The following LAMC1 variants were observed in gnomAD, a reference collection of about 807,000 sequenced individuals.
The protein encoded by LAMC1 is laminin subunit gamma-1.
In LAMC1, 38 loss-of-function variants were observed where a neutral mutation model predicts 173.6. The ratio of observed to expected loss-of-function variants is 0.22; its 90% CI spans 0.17 to 0.29. The LOEUF (loss-of-function observed/expected upper bound fraction) is 0.29, where lower values mean the gene tolerates loss of function less well. Among genes scored for constraint, LAMC1 ranks in the 10% least tolerant of loss-of-function variants. LAMC1 has a pLI of 1.00. For missense variants in LAMC1, 1,824 were observed against 2,051.8 expected (o/e 0.89, Z 2.14); for synonymous variants, 746 against 749.1 (o/e 1.00, Z 0.07).
intron 1 of LAMC1, among the ~76,000 whole-genome samples, chr1:183,074,408 T>G (rs1041904833): frequency 2.6e-5 from 4 of 152,170 alleles, no homozygotes; most frequent in African/African-American, 9.7e-5. Flanking sequence ...TGTGCACCCT[T>G]GGACATGAAT....
At chr1:183,035,841 G>C (rs997933809) in intron 1 of LAMC1, among the ~76,000 whole-genome samples, 1 of 152,170 alleles carries the variant, frequency 6.6e-6, no homozygotes, top group African/African-American at 2.4e-5. Context: ...AATGCAGCTG[G>C]AGGTAGAGAC....
chr1:183,055,963 G>A (rs1175409626), intron 1 of LAMC1, among the ~76,000 whole-genome samples: 2 of 152,188 alleles, frequency 1.3e-5, no homozygotes, highest in Non-Finnish European at 2.9e-5. Context: ...AGATTATAGA[G>A]TTACTGTTGG....
At chr1:183,053,521 C>G (rs1417227372) in intron 1 of LAMC1, among the ~76,000 whole-genome samples, 1 of 151,956 alleles carries the variant, frequency 6.6e-6, no homozygotes, top group African/African-American at 2.4e-5. Flanking sequence ...CATCAGCTCT[C>G]CTGAGAGAAT....
chr1:183,110,699 C>G, intron 4 of LAMC1, 45 bp downstream of exon 4: 1 of 1,581,808 alleles, frequency 6.3e-7, no homozygotes, highest in Non-Finnish European at 8.6e-7. Context: ...TTAAGGACTT[C>G]CAAGGGTGGA....
intron 4 of LAMC1, among the ~76,000 whole-genome samples, chr1:183,110,882 T>C (rs1378758713): frequency 6.6e-6 from 1 of 152,042 alleles, no homozygotes; most frequent in Non-Finnish European, 1.5e-5. Context: ...TGTCCCAGAG[T>C]TGGAGCAGCA....
chr1:183,104,635 T>C (rs371851717), intron 2 of LAMC1, among the ~76,000 whole-genome samples: 2 of 152,242 alleles, frequency 1.3e-5, no homozygotes, highest in South Asian at 2.1e-4. Context: ...GATCTTCTTA[T>C]TCTTTCTCAC....
intron 1 of LAMC1, among the ~76,000 whole-genome samples, chr1:183,081,101 CTGG>C (rs927276771): frequency 6.6e-6 from 1 of 151,878 alleles, no homozygotes; most frequent in Non-Finnish European, 1.5e-5. Context: ...CTTGGCCAGG[CTGG>C]TCTTGAACCC....
At chr1:183,131,026 T>G (rs1037730467) in intron 19 of LAMC1, among the ~76,000 whole-genome samples, 2 of 152,000 alleles carry the variant, frequency 1.3e-5, no homozygotes, top group African/African-American at 4.8e-5. Flanking sequence ...AATACAAAAT[T>G]AGCCGGGTAT....
chr1:183,027,154 G>A (rs1345744271), intron 1 of LAMC1, among the ~76,000 whole-genome samples: 1 of 152,180 alleles, frequency 6.6e-6, no homozygotes, highest in Admixed American at 6.5e-5. Context: ...TCTGAAAACA[G>A]CGCTCTCTTA....
At chr1:183,028,156 C>G (rs1042739125) in intron 1 of LAMC1, among the ~76,000 whole-genome samples, 1 of 151,720 alleles carries the variant, frequency 6.6e-6, no homozygotes, top group African/African-American at 2.4e-5. Flanking sequence ...GCATTCCTCC[C>G]CCCCCCCACC....
Position 183,127,387 on chromosome 1 carries a change from C to T in LAMC1, c.3106C>T (p.Arg1036Trp), listed in dbSNP as rs146924685. 3.0e-5 allele frequency: 49 copies of T among 1,613,896 alleles called. No homozygotes were observed. The highest frequency in any genetic ancestry group is 2.8e-4 in the African/African-American group (21 of 74,980). Residue 1036 changes from arginine to tryptophan, a missense_variant, in exon 17 of 28, where the codon CGG becomes TGG. Arg to Trp is a moderately radical substitution (Grantham distance 101, BLOSUM62 -3). Transcript: ENST00000258341. ...CTGCCAGGAATGTCCAGCTTGTTAC[C>T]GGCTGGTAAAGGATAAGGTAAGCTG... Reference protein sequence around the residue: ...PGCQECPACYRLVKDKVADHR... With the variant: ...PGCQECPACYWLVKDKVADHR...
In LAMC1 at chr1:183,130,535, G is replaced by A. The variant is rs145429739; in HGVS notation, c.3472G>A (p.Ala1158Thr). 208 of 1,614,104 alleles carry A rather than the reference G, an allele frequency of 1.3e-4. 1 individual carries two copies. The African/African-American group carries it at 2.0e-3, about 16-fold the overall frequency. ...ASRELEKAKV[A>T]AANVSVTQPE... is the part of the protein sequence containing the mutation. Reference sequence around the variant, plus strand: ...CAGAGAACTTGAGAAAGCAAAAGTCGCTGCTGCCAATGTGGTAAGTGATTG... The same window carrying A: ...CAGAGAACTTGAGAAAGCAAAAGTCACTGCTGCCAATGTGGTAAGTGATTG... Residue 1158 changes from alanine to threonine, a missense_variant, in exon 19 of 28, where the codon GCT (alanine) becomes ACT (threonine). Ala to Thr is a moderately conservative substitution (Grantham distance 58). Transcript: ENST00000258341.
chr1:183,122,286 C>T (rs1656498569), intron 13 of LAMC1, 35 bp downstream of exon 13: 1 of 1,598,898 alleles, frequency 6.3e-7, no homozygotes, highest in Admixed American at 1.7e-5. Context: ...TTCAGTGTTC[C>T]CTTCTATAAA....
At chr1:183,080,656 T>TC (rs1558041551) in intron 1 of LAMC1, among the ~76,000 whole-genome samples, 1 of 152,148 alleles carries the variant, frequency 6.6e-6, no homozygotes, top group Admixed American at 6.5e-5. Flanking sequence ...TGTTTTTTTT[T>TC]TCCATACTCA....
chr1:183,130,628 T>G (rs1571461857), intron 19 of LAMC1, 79 bp downstream of exon 19: 2 of 1,121,954 alleles, frequency 1.8e-6, no homozygotes, highest in Non-Finnish European at 2.7e-6. Context: ...GGCAGTGGAG[T>G]GCTTCTTCAA....
intron 1 of LAMC1, among the ~76,000 whole-genome samples, chr1:183,071,697 C>T (rs556416902): frequency 1.3e-5 from 2 of 152,146 alleles, no homozygotes; most frequent in Non-Finnish European, 2.9e-5. Context: ...TATTTAATGC[C>T]GTATTTTCCC....
At position 183,042,770 on chromosome 1, in the gene LAMC1, G is replaced by A. The variant is rs568382749; in HGVS notation, c.418+18636G>A. Among the ~76,000 whole-genome samples, 69 of 152,268 alleles carry A rather than the reference G, an allele frequency of 4.5e-4. 1 individual carries two copies. In the South Asian group the frequency reaches 0.013, roughly 30 times the overall value. ...TTCACTCCCTGACTTTACAGAATTGGTTTATTCTTTGACCTTTTCCATTTT... is the reference window on the plus strand; with the variant it reads ...TTCACTCCCTGACTTTACAGAATTGATTTATTCTTTGACCTTTTCCATTTT... On this transcript the variant is annotated intron_variant, in intron 1 of 27. Transcript: ENST00000258341.
intron 1 of LAMC1, among the ~76,000 whole-genome samples, chr1:183,077,227 G>A (rs1379086042): frequency 1.3e-5 from 2 of 152,128 alleles, no homozygotes; most frequent in East Asian, 3.8e-4. Flanking sequence ...TGATTCCTTT[G>A]AAGTACCTAG....
intron 4 of LAMC1, among the ~76,000 whole-genome samples, chr1:183,113,954 G>A (rs1052420096): frequency 1.3e-5 from 2 of 152,288 alleles, no homozygotes; most frequent in Admixed American, 1.3e-4. Context: ...TTCTAAGTAC[G>A]AGAATTCCTT....
Sources: allele counts gnomAD v4.1 joint callset (sites outside exome capture counted in the v4.1 genomes callset), GRCh38; gene constraint gnomAD v4.1.1; transcripts MANE v1.5; gene names NCBI Gene and HGNC (gene_info 2026-07-23, HGNC 2026-07-21).